PDIA5: variants seen among roughly 807,000 people sequenced by gnomAD.
PDIA5 encodes protein disulfide isomerase family A member 5, also known as protein disulfide-isomerase A5.
A neutral mutation model predicts 77.6 loss-of-function variants in PDIA5; 58 were observed. The observed-to-expected ratio is 0.75, with a 90% CI of 0.61 to 0.93. PDIA5 has a LOEUF of 0.93. Ranked by LOEUF, PDIA5 falls within the 40% of genes least tolerant of loss-of-function variation. The pLI, the probability that PDIA5 is intolerant of heterozygous loss-of-function variation, is 0.00. For missense variants in PDIA5, 630 were observed against 647.7 expected, an observed-to-expected ratio of 0.97 and a Z score of 0.30; for synonymous variants, 250 against 252.1, an observed-to-expected ratio of 0.99 and a Z score of 0.08.
chr3:123,149,138 C>T (rs150201135), intron 13 of PDIA5, among the ~76,000 whole-genome samples: 4 of 152,194 alleles, frequency 2.6e-5, no homozygotes, highest in South Asian at 4.2e-4. Flanking sequence ...AGGTGAGAGG[C>T]AGGGAGACTG....
intron 14 of PDIA5, among the ~76,000 whole-genome samples, chr3:123,153,405 T>G (rs1372381293): frequency 6.6e-6 from 1 of 152,250 alleles, no homozygotes; most frequent in Non-Finnish European, 1.5e-5. Context: ...TTTGAAAATT[T>G]TATAACATCA....
chr3:123,161,913 C>T lies in PDIA5; in HGVS notation c.1513C>T (p.Arg505Trp), dbSNP rs569489736. 1.9e-5 allele frequency: 31 copies of T among 1,605,408 alleles called. No homozygotes were observed. The highest frequency in any genetic ancestry group is 1.5e-4 in the Admixed American group (9 of 59,848). ...ATTTACCAATTATATTCGAGCCCTCCGGGAGGGAGACCATGAAAGACTAGG... is the reference window on the plus strand; with the variant it reads ...ATTTACCAATTATATTCGAGCCCTCTGGGAGGGAGACCATGAAAGACTAGG... Reference protein sequence around the residue: ...LGFTNYIRALREGDHERLGKK... With the variant: ...LGFTNYIRALWEGDHERLGKK... The change falls in exon 17 of 17, where the codon CGG becomes TGG. Residue 505 changes from arginine to tryptophan, a missense_variant. Transcript: ENST00000316218.
chr3:123,160,295 C>T (rs369176431), intron 15 of PDIA5, among the ~76,000 whole-genome samples: 7 of 152,314 alleles, frequency 4.6e-5, no homozygotes, highest in South Asian at 2.1e-4. Flanking sequence ...AAACAAGTTC[C>T]CCATTTCTGC....
chr3:123,089,580 G>A (rs188040573), intron 2 of PDIA5, among the ~76,000 whole-genome samples: 42 of 152,378 alleles, frequency 2.8e-4, no homozygotes, highest in South Asian at 2.1e-3. Context: ...TGTGAAGTAG[G>A]ACAGAGGATC....
intron 10 of PDIA5, among the ~76,000 whole-genome samples, chr3:123,129,681 GGGAGGGCC>G (rs1486967336): frequency 6.6e-6 from 1 of 152,204 alleles, no homozygotes; most frequent in Non-Finnish European, 1.5e-5. Flanking sequence ...TTTGGGGCAA[GGGAGGGCC>G]CCTGCGAGCC....
At chr3:123,092,266 T>A (rs1934310737) in intron 2 of PDIA5, 89 bp from the exon 3 acceptor site, 1 of 1,052,630 alleles carries the variant, frequency 9.5e-7, no homozygotes, top group African/African-American at 1.6e-5. Flanking sequence ...AGGATTGGTC[T>A]CCATCCTTCC....
chr3:123,068,564 C>A (rs550784757), intron 1 of PDIA5, among the ~76,000 whole-genome samples: 3 of 152,338 alleles, frequency 2.0e-5, no homozygotes, highest in South Asian at 2.1e-4. Context: ...TCTCCTGAAA[C>A]GCCCCCCATC....
At chr3:123,143,932 A>G (rs1533394) in intron 11 of PDIA5, among the ~76,000 whole-genome samples, 31,034 of 152,118 alleles carry the variant, frequency 0.2, 3,508 homozygotes, top group East Asian at 0.47. Flanking sequence ...TGGGAGCTCA[A>G]GGATCAGTTT....
intron 1 of PDIA5, among the ~76,000 whole-genome samples, chr3:123,073,050 A>G (rs1933766489): frequency 6.6e-6 from 1 of 152,198 alleles, no homozygotes; most frequent in African/African-American, 2.4e-5. Context: ...CTGCCTGGCC[A>G]TCTTTCAGCA....
chr3:123,084,854 A>G (rs1402072256), intron 1 of PDIA5, among the ~76,000 whole-genome samples: 3 of 151,780 alleles, frequency 2.0e-5, no homozygotes, highest in Non-Finnish European at 2.9e-5. Flanking sequence ...AGGGCCCTCC[A>G]CCTCCGGCCT....
At chr3:123,159,331 G>A (rs927057966) in intron 15 of PDIA5, among the ~76,000 whole-genome samples, 1 of 152,220 alleles carries the variant, frequency 6.6e-6, no homozygotes, top group African/African-American at 2.4e-5. Flanking sequence ...TTGGCCAGGG[G>A]AGCATCTGCC....
chr3:123,156,361 A>C (rs936302653), intron 15 of PDIA5, among the ~76,000 whole-genome samples: 3 of 152,152 alleles, frequency 2.0e-5, no homozygotes, highest in Non-Finnish European at 4.4e-5. Flanking sequence ...CCCCACCAGA[A>C]GGGAGTACAA....
At chr3:123,092,232 G>T (rs1182957422) in intron 2 of PDIA5, 123 bp from the exon 3 acceptor site, 1 of 720,330 alleles carries the variant, frequency 1.4e-6, no homozygotes, top group East Asian at 2.7e-5. Context: ...TTTACCTGGT[G>T]CTCAGGACTT....
intron 14 of PDIA5, among the ~76,000 whole-genome samples, chr3:123,151,918 T>C (rs1211365987): frequency 8.0e-4 from 113 of 140,570 alleles, no homozygotes; most frequent in Admixed American, 1.5e-3. Context: ...CCTTCCTGCC[T>C]TCCTTCCTTC....
At chr3:123,154,806 G>A (rs1935983218) in intron 14 of PDIA5, among the ~76,000 whole-genome samples, 165 bp from the exon 15 acceptor site, 1 of 152,154 alleles carries the variant, frequency 6.6e-6, no homozygotes, top group Admixed American at 6.5e-5. Context: ...GACATGGGTG[G>A]GAGGTGGTTA....
At chr3:123,142,742 G>A (rs531030424) in intron 11 of PDIA5, among the ~76,000 whole-genome samples, 1 of 152,308 alleles carries the variant, frequency 6.6e-6, no homozygotes, top group South Asian at 2.1e-4. Context: ...CAGTCCCAGA[G>A]GAGCCCTTAG....
intron 5 of PDIA5, among the ~76,000 whole-genome samples, chr3:123,106,416 T>C (rs1026679104): frequency 6.6e-6 from 1 of 152,242 alleles, no homozygotes; most frequent in African/African-American, 2.4e-5. Context: ...AGTATGTCTC[T>C]GGTTTGAATA....
intron 14 of PDIA5, 108 bp downstream of exon 14, chr3:123,150,472 T>A (rs1203710118): frequency 7.7e-6 from 8 of 1,040,660 alleles, no homozygotes; most frequent in African/African-American, 1.6e-5. Context: ...CGCTGATGGA[T>A]CCCAGGGTCA....
intron 5 of PDIA5, among the ~76,000 whole-genome samples, chr3:123,105,030 C>T (rs895072): frequency 0.92 from 140,231 of 152,266 alleles, 64,838 homozygotes; most frequent in Non-Finnish European, 0.96. Flanking sequence ...CGTTAAAAGG[C>T]CATTTATCTC....
Sources: gnomAD v4.1 joint callset for allele counts (sites outside exome capture counted in the v4.1 genomes callset) on GRCh38, gnomAD v4.1.1 for gene constraint, MANE v1.5 for transcripts, NCBI Gene and HGNC (gene_info 2026-07-23, HGNC 2026-07-21) for gene names.